The following ASCC1 variants were observed in gnomAD, a reference collection of about 807,000 sequenced individuals.
ASCC1 encodes the protein ASC-1 complex subunit P50.
A neutral mutation model predicts 46.6 loss-of-function variants in ASCC1; 35 were observed. The ratio of observed to expected loss-of-function variants is 0.75; its 90% CI spans 0.57 to 0.99. The LOEUF is 0.99. ASCC1 is among the 50% of genes least tolerant of loss of function. ASCC1 has a pLI of 0.00. For missense variants in ASCC1, 376 were observed against 428.7 expected, an observed-to-expected ratio of 0.88 and a Z score of 1.09; for synonymous variants, 143 against 146.6, an observed-to-expected ratio of 0.98 and a Z score of 0.18.
chr10:72,122,419 C>CAA (rs1210357975), intron 9 of ASCC1, among the ~76,000 whole-genome samples: 7 of 72,218 alleles, frequency 9.7e-5, no homozygotes, highest in South Asian at 4.6e-4. Context: ...GACGCAGTCT[C>CAA]AAAAAAAAAA....
chr10:72,121,189 G>A (rs1228352267), intron 9 of ASCC1, among the ~76,000 whole-genome samples: 2 of 152,100 alleles, frequency 1.3e-5, no homozygotes, highest in African/African-American at 4.8e-5. Flanking sequence ...TGTCACACAG[G>A]CTGGAGTGCA....
At chr10:72,208,424 T>C (rs1287514469) in intron 3 of ASCC1, among the ~76,000 whole-genome samples, 1 of 152,014 alleles carries the variant, frequency 6.6e-6, no homozygotes, top group African/African-American at 2.4e-5. Flanking sequence ...GAGAATTTTA[T>C]CTTTAATAGG....
In ASCC1 at chr10:72,141,756, C is replaced by A. The variant is rs77170183; in HGVS notation, c.747-8575G>T. On this transcript the variant is annotated intron_variant, in intron 7 of 9. Transcript: ENST00000672957. ...ATTGTACCCATTTTTGTTTCCCTTA[C>A]GGTATCTGATACAATGCCTGGTACT... 3.3e-3 allele frequency among the ~76,000 whole-genome samples: 501 copies of A among 152,246 alleles called. 3 individuals carry two copies. The highest frequency in any genetic ancestry group is 0.011 in the African/African-American group (463 of 41,564).
chr10:72,142,456 T>G (rs372488498), intron 7 of ASCC1, among the ~76,000 whole-genome samples: 103 of 150,792 alleles, frequency 6.8e-4, no homozygotes, highest in African/African-American at 2.2e-3. Flanking sequence ...AACCTCCACC[T>G]CCCAGGCTCA....
intron 1 of ASCC1, among the ~76,000 whole-genome samples, chr10:72,215,569 A>G (rs1859059265): frequency 6.6e-6 from 1 of 152,200 alleles, no homozygotes; most frequent in Non-Finnish European, 1.5e-5. Flanking sequence ...CGAGGCCTCT[A>G]AAGTTCTCAA....
chr10:72,203,009 G>A (rs1302784498), intron 4 of ASCC1, among the ~76,000 whole-genome samples: 3 of 152,042 alleles, frequency 2.0e-5, no homozygotes, highest in Non-Finnish European at 4.4e-5. Flanking sequence ...ATAGCTGGCC[G>A]GGCACGGTGG....
intron 7 of ASCC1, 176 bp from the exon 8 acceptor site, chr10:72,133,357 CTT>C: frequency 1.5e-6 from 1 of 651,356 alleles, no homozygotes; most frequent in South Asian, 1.7e-5. Context: ...AAAGATCAGT[CTT>C]GTTTGTCTGC....
chr10:72,124,423 T>C (rs567406973), intron 9 of ASCC1, among the ~76,000 whole-genome samples: 1 of 152,348 alleles, frequency 6.6e-6, no homozygotes, highest in East Asian at 1.9e-4. Context: ...TCACCTTCTC[T>C]GATGAGTACA....
chr10:72,112,157 A>C (rs12251630), intron 9 of ASCC1, among the ~76,000 whole-genome samples: 7,341 of 152,292 alleles, frequency 0.048, 524 homozygotes, highest in African/African-American at 0.15. Context: ...CTCTGGGTCC[A>C]GATTTATATT....
At chr10:72,196,235 G>A (rs896720264) in intron 5 of ASCC1, among the ~76,000 whole-genome samples, 1 of 151,416 alleles carries the variant, frequency 6.6e-6, no homozygotes, top group Non-Finnish European at 1.5e-5. Flanking sequence ...CCCAAAAGAT[G>A]CAGAATAGTG....
At chr10:72,213,472 T>C in intron 1 of ASCC1, 141 bp from the exon 2 acceptor site, 1 of 628,166 alleles carries the variant, frequency 1.6e-6, no homozygotes, top group Non-Finnish European at 2.9e-6. Context: ...TCCCATTGGA[T>C]TTCCCATCTG....
chr10:72,170,972 C>G (rs1177085349), intron 5 of ASCC1, among the ~76,000 whole-genome samples: 14 of 151,956 alleles, frequency 9.2e-5, no homozygotes. Context: ...CCACCCCCCC[C>G]AATATTTTTA....
intron 4 of ASCC1, among the ~76,000 whole-genome samples, chr10:72,201,550 G>A (rs1240974539): frequency 6.6e-6 from 1 of 151,922 alleles, no homozygotes; most frequent in African/African-American, 2.4e-5. Flanking sequence ...GCTGGGCATG[G>A]TGCTAAGCGC....
At chr10:72,111,877 C>T (rs1292347838) in intron 9 of ASCC1, among the ~76,000 whole-genome samples, 1 of 152,114 alleles carries the variant, frequency 6.6e-6, no homozygotes, top group Admixed American at 6.5e-5. Flanking sequence ...CTCCTGACCT[C>T]GTGATCCTCC....
intron 9 of ASCC1, among the ~76,000 whole-genome samples, chr10:72,121,850 A>G (rs892111581): frequency 6.6e-6 from 1 of 152,238 alleles, no homozygotes; most frequent in Non-Finnish European, 1.5e-5. Context: ...CAGAAGGCAT[A>G]AAATCAGTGA....
intron 5 of ASCC1, 120 bp downstream of exon 5, chr10:72,196,691 A>G: frequency 9.9e-7 from 1 of 1,006,836 alleles, no homozygotes; most frequent in Middle Eastern, 3.2e-4. Flanking sequence ...CAAAAGAAAT[A>G]GTTATCTTTT....
Position 72,210,802 on chromosome 10 carries a change from C to T in ASCC1, c.142G>A (p.Asp48Asn), listed in dbSNP as rs1429585957. Residue 48 changes from aspartate to asparagine, a missense_variant, in exon 3 of 10, where the codon GAT (aspartate) becomes AAT (asparagine). Asp to Asn is a conservative substitution (Grantham distance 23, BLOSUM62 1). Transcript: ENST00000672957. ...GGGGTCTGCTCCACCTCGTAGGCAT[C>T]ACAGGGCTCATCAGCACACTCCATG... ...GSMECADEPC[D>N]AYEVEQTPQG... 1 of 1,613,932 alleles carries T rather than the reference C, an allele frequency of 6.2e-7. No individual in the cohort carries two copies. Among genetic ancestry groups the T allele is most frequent in the East Asian group, 2.2e-5 (1 of 44,886 alleles).
chr10:72,125,828 T>A (rs1844800879), intron 9 of ASCC1, among the ~76,000 whole-genome samples: 1 of 152,218 alleles, frequency 6.6e-6, no homozygotes, highest in African/African-American at 2.4e-5. Flanking sequence ...ATATTCTAAT[T>A]GTCTATTAAC....
In ASCC1 at chr10:72,154,493, GTT is replaced by G. The variant is rs375316111; in HGVS notation, c.627-1507_627-1506del. 3.5e-3 allele frequency among the ~76,000 whole-genome samples: 488 copies of G among 139,804 alleles called. 2 individuals are homozygous for G. Among genetic ancestry groups the G allele is most frequent in the African/African-American group, 0.012 (450 of 38,420 alleles). 91.7% of individuals were successfully genotyped at this position (139,804 alleles called of 152,430 possible). On this transcript the variant is annotated intron_variant, in intron 6 of 9. Coordinates refer to ENST00000672957, the MANE Select transcript of ASCC1 (RefSeq NM_001198800.3). The stretch of plus-strand genomic sequence containing the variant: ...TTATGAGAAATAATTTATGCATAGG[GTT>G]TTTTTTTTTTTTTTGAGACAGGGCC...
Sources: gnomAD v4.1 joint callset for allele counts (sites outside exome capture counted in the v4.1 genomes callset) on GRCh38, gnomAD v4.1.1 for gene constraint, MANE v1.5 for transcripts, NCBI Gene and HGNC (gene_info 2026-07-23, HGNC 2026-07-21) for gene names.